Variants in CDK5RAP2 observed in about 807,000 individuals in gnomAD.
CDK5RAP2 encodes the protein CDK5 regulatory subunit associated protein 2, also known as CDK5 regulatory subunit-associated protein 2.
CDK5RAP2 carries 147 observed loss-of-function variants against 232.9 expected under a neutral mutation model. The observed-to-expected ratio is 0.63, with a 90% CI of 0.55 to 0.72. The LOEUF (loss-of-function observed/expected upper bound fraction) is 0.72, where lower values mean the gene tolerates loss of function less well. Ranked by LOEUF, CDK5RAP2 falls within the 30% of genes least tolerant of loss-of-function variation. The probability of loss-of-function intolerance (pLI) is 0.00; values close to 1 mark genes in which losing one functional copy is unlikely to be tolerated. For synonymous variants in CDK5RAP2, 833 were observed against 833.7 expected (o/e 1.00, Z 0.01); for missense variants, 2,195 against 2,231.5 (o/e 0.98, Z 0.33).
intron 22 of CDK5RAP2, 122 bp from the exon 23 acceptor site, chr9:120,443,864 G>T: frequency 8.0e-7 from 1 of 1,250,988 alleles, no homozygotes; most frequent in Non-Finnish European, 1.1e-6. Context: ...GAGGCAAAAT[G>T]CAATTTATAA....
chr9:120,550,468 T>A (rs892580530), intron 4 of CDK5RAP2, among the ~76,000 whole-genome samples: 7 of 152,210 alleles, frequency 4.6e-5, no homozygotes, highest in African/African-American at 1.4e-4. Flanking sequence ...CTGGTAACAG[T>A]AGAATTCAAC....
chr9:120,476,299 A>G (rs1034146191), intron 15 of CDK5RAP2, among the ~76,000 whole-genome samples: 2 of 151,918 alleles, frequency 1.3e-5, no homozygotes, highest in South Asian at 2.1e-4. Context: ...GCCAGGGCCA[A>G]TCTTGTTCTT....
chr9:120,432,335 T>C (rs2035331531), intron 25 of CDK5RAP2, among the ~76,000 whole-genome samples: 1 of 152,230 alleles, frequency 6.6e-6, no homozygotes, highest in African/African-American at 2.4e-5. Flanking sequence ...TGGGCATATA[T>C]ACTCCAGGGT....
At chr9:120,523,689 ACATCAGTG>A (rs2040771282) in intron 11 of CDK5RAP2, among the ~76,000 whole-genome samples, 1 of 152,248 alleles carries the variant, frequency 6.6e-6, no homozygotes, top group African/African-American at 2.4e-5. Flanking sequence ...ACCAAAAGCA[ACATCAGTG>A]CAAGAGGTGG....
At chr9:120,479,037 A>C (rs2038169874) in intron 14 of CDK5RAP2, among the ~76,000 whole-genome samples, 1 of 152,176 alleles carries the variant, frequency 6.6e-6, no homozygotes, top group South Asian at 2.1e-4. Flanking sequence ...ATAATGATGG[A>C]ATGTTGTCAA....
At chr9:120,547,012 A>T (rs1214883788) in intron 4 of CDK5RAP2, among the ~76,000 whole-genome samples, 1 of 150,692 alleles carries the variant, frequency 6.6e-6, no homozygotes, top group Non-Finnish European at 1.5e-5. Flanking sequence ...TTGAGATGAA[A>T]TCTTGCTCTT....
At chr9:120,444,660 AT>A in intron 22 of CDK5RAP2, among the ~76,000 whole-genome samples, 1 of 151,770 alleles carries the variant, frequency 6.6e-6, no homozygotes, top group East Asian at 1.9e-4. Context: ...AAAACTTAAA[AT>A]TAAATGGAAC....
intron 12 of CDK5RAP2, among the ~76,000 whole-genome samples, chr9:120,509,181 T>C (rs1041531821): frequency 2.6e-5 from 4 of 152,220 alleles, no homozygotes; most frequent in African/African-American, 9.7e-5. Context: ...ACAAGCACTT[T>C]CTTCAGAGGA....
At position 120,439,970 on chromosome 9, in the gene CDK5RAP2, A is replaced by G; in HGVS notation, c.3151T>C (p.Ser1051Pro). The change falls in exon 24 of 38, where the codon TCT (serine) becomes CCT (proline). Residue 1051 changes from serine (S) to proline (P), a missense_variant and splice_region_variant. Physicochemically the swap from Ser to Pro is moderately conservative, Grantham distance 74. Transcript: ENST00000349780. ...AGGTCATCAGGTGGGCAAATCTCAG[A>G]GTCTGAAAATCAAATACACTTATGT... ...SDQQRSYEID[S>P]EICPPDDLAS... The G allele has an allele frequency of 6.2e-7, 1 of 1,613,218 alleles. No individual in the cohort carries two copies. Among genetic ancestry groups the G allele is most frequent in the Non-Finnish European group, 8.5e-7 (1 of 1,179,748 alleles).
chr9:120,409,160 T>C lies in CDK5RAP2; in HGVS notation c.4571A>G (p.Gln1524Arg). ...EKERHNQQLI[Q>R]EVRCSGQELS... ...CTCCTGGCCGCTGCAGCGGACCTCCTGGATCAGCTGCTGGTTGTGTCTCTC... is the reference window on the plus strand; with the variant it reads ...CTCCTGGCCGCTGCAGCGGACCTCCCGGATCAGCTGCTGGTTGTGTCTCTC... The change falls in exon 30 of 38, where the codon CAG becomes CGG. Residue 1524 changes from glutamine to arginine, a missense_variant. Gln to Arg is a conservative substitution (Grantham distance 43). Coordinates refer to ENST00000349780, the MANE Select transcript of CDK5RAP2 (RefSeq NM_018249.6). 6.2e-7 allele frequency: 1 copy of C among 1,612,992 alleles called. No homozygotes were observed. Among genetic ancestry groups the C allele is most frequent in the South Asian group, 1.1e-5 (1 of 91,042 alleles).
At chr9:120,405,254 T>G (rs2033354520) in intron 32 of CDK5RAP2, among the ~76,000 whole-genome samples, 1 of 152,250 alleles carries the variant, frequency 6.6e-6, no homozygotes. Flanking sequence ...AGAAGTCTTT[T>G]GCAAAGGAAG....
rs138559996 is a variant in CDK5RAP2, at chr9:120,407,933, G to A, written c.4726+414C>T. 9.8e-3 allele frequency: 2,798 copies of A among 285,112 alleles called. 23 individuals carry two copies. The highest frequency in any genetic ancestry group is 0.014 in the Non-Finnish European group (2,039 of 143,604). 17.7% of individuals were successfully genotyped at this position (285,112 alleles called of 1,614,324 possible). A position where few individuals can be genotyped will look rare whatever the true frequency, so the allele number is the denominator to read the frequency against. Reference sequence around the variant, plus strand: ...TACTAGCAGGACGATTATAATAAAGGTCATTTCCTGGGTGCCTACTATGTG... The same window carrying A: ...TACTAGCAGGACGATTATAATAAAGATCATTTCCTGGGTGCCTACTATGTG... On this transcript the variant is annotated intron_variant, in intron 31 of 37. Coordinates refer to ENST00000349780, the MANE Select transcript of CDK5RAP2 (RefSeq NM_018249.6).
intron 20 of CDK5RAP2, 129 bp from the exon 21 acceptor site, chr9:120,454,002 C>T (rs1358665657): frequency 4.5e-6 from 4 of 896,596 alleles, no homozygotes; most frequent in Non-Finnish European, 7.2e-6. Flanking sequence ...CAGTGTGTAC[C>T]CACAACGTGC....
chr9:120,510,585 A>G (rs997364781), intron 12 of CDK5RAP2, among the ~76,000 whole-genome samples: 4 of 152,146 alleles, frequency 2.6e-5, no homozygotes, highest in East Asian at 3.8e-4. Flanking sequence ...ACACTCACAC[A>G]CACTAAAAGG....
At chr9:120,471,928 T>C (rs1465785407) in intron 15 of CDK5RAP2, 50 bp from the exon 16 acceptor site, 21 of 1,612,158 alleles carry the variant, frequency 1.3e-5, no homozygotes, top group African/African-American at 2.7e-5. Flanking sequence ...ATTTGTACTT[T>C]TAGATGCAAA....
intron 12 of CDK5RAP2, among the ~76,000 whole-genome samples, chr9:120,492,760 T>C (rs1214291170): frequency 1.3e-5 from 2 of 152,220 alleles, no homozygotes; most frequent in African/African-American, 4.8e-5. Context: ...GGTAATGTTA[T>C]TCTGAAACTG....
chr9:120,472,521 G>C (rs973016210), intron 15 of CDK5RAP2, among the ~76,000 whole-genome samples: 1 of 152,148 alleles, frequency 6.6e-6, no homozygotes, highest in African/African-American at 2.4e-5. Context: ...AGTTAAGGGT[G>C]GGGGACAGGT....
chr9:120,540,468 C>G (rs1232581458), intron 5 of CDK5RAP2, among the ~76,000 whole-genome samples: 1 of 152,174 alleles, frequency 6.6e-6, no homozygotes, highest in Non-Finnish European at 1.5e-5. Flanking sequence ...GTCAAGAGGG[C>G]CATACTTGTT....
chr9:120,554,154 T>C (rs1351621298), intron 3 of CDK5RAP2, among the ~76,000 whole-genome samples: 1 of 152,222 alleles, frequency 6.6e-6, no homozygotes, highest in African/African-American at 2.4e-5. Flanking sequence ...ATAGATAGGT[T>C]ACTATTTTTT....
Sources: allele counts gnomAD v4.1 joint callset (sites outside exome capture counted in the v4.1 genomes callset), GRCh38; gene constraint gnomAD v4.1.1; transcripts MANE v1.5; gene names NCBI Gene and HGNC (gene_info 2026-07-23, HGNC 2026-07-21).